Variants in ZNF106 observed in about 807,000 individuals in gnomAD.
The protein encoded by ZNF106 is SH3-domain binding protein 3.
Under a neutral mutation model 195.1 loss-of-function variants are expected in ZNF106, and 67 were observed. The ratio of observed to expected loss-of-function variants is 0.34; its 90% CI spans 0.28 to 0.42. The LOEUF is 0.42. Among genes scored for constraint, ZNF106 ranks in the 10% least tolerant of loss-of-function variants. The pLI, the probability that ZNF106 is intolerant of heterozygous loss-of-function variation, is 1.00. For synonymous variants in ZNF106, 784 were observed against 818.6 expected, an observed-to-expected ratio of 0.96 and a Z score of 0.72; for missense variants, 2,118 against 2,304.5, an observed-to-expected ratio of 0.92 and a Z score of 1.66.
chr15:42,434,842 C>T lies in ZNF106; in HGVS notation c.4881+542G>A, dbSNP rs530392936. On this transcript the variant is annotated intron_variant, in intron 14 of 21. Transcript: ENST00000564754. ...AGGCTGGAGTGCAGTGGCACAATCT[C>T]GGCTCACTGCAACCTCCACCTCCTG... 1.5e-3 allele frequency among the ~76,000 whole-genome samples: 227 copies of T among 150,280 alleles called. 2 individuals carry two copies. Among genetic ancestry groups the T allele is most frequent in the Admixed American group, 4.2e-3 (63 of 15,066 alleles).
chr15:42,441,004 T>A (rs1416127142), intron 10 of ZNF106, among the ~76,000 whole-genome samples: 575 of 13,212 alleles, frequency 0.044, 134 homozygotes, highest in African/African-American at 0.25. Flanking sequence ...AAAAAATATA[T>A]ATATATATAT....
chr15:42,459,876 TA>T lies in ZNF106; in HGVS notation c.117-2719del, dbSNP rs143304513. On this transcript the variant is annotated intron_variant, in intron 3 of 21. Transcript: ENST00000564754. The stretch of plus-strand genomic sequence containing the variant: ...CAATACGGTGAAACCCCATCTCTAC[TA>T]AAAAAAAATACAAAAATTAGCCAGG... Among the ~76,000 whole-genome samples the T allele has an allele frequency of 3.6e-4, 54 of 148,768 alleles. 1 individual carries two copies. The highest frequency in any genetic ancestry group is 3.2e-3 in the Admixed American group (48 of 14,874).
At chr15:42,457,639 G>A (rs1595477666) in intron 3 of ZNF106, 2 of 676,438 alleles carry the variant, frequency 3.0e-6, no homozygotes, top group Non-Finnish European at 3.7e-6. Flanking sequence ...ATCCCAAGTC[G>A]GTAACTAAAT....
chr15:42,459,863 A>AC (rs1217573039), intron 3 of ZNF106, among the ~76,000 whole-genome samples: 1 of 151,438 alleles, frequency 6.6e-6, no homozygotes, highest in Non-Finnish European at 1.5e-5. Context: ...ATACGGTGAA[A>AC]CCCCATCTCT....
chr15:42,458,730 A>C (rs1221058718), intron 3 of ZNF106, among the ~76,000 whole-genome samples: 2 of 151,698 alleles, frequency 1.3e-5, no homozygotes, highest in South Asian at 2.1e-4. Context: ...GAAAAAAAAA[A>C]ACAACACCTT....
chr15:42,447,997 A>C (rs1413149607), intron 6 of ZNF106, 75 bp downstream of exon 6: 1 of 1,478,954 alleles, frequency 6.8e-7, no homozygotes, highest in African/African-American at 1.4e-5. Flanking sequence ...CAAGAAAAAC[A>C]GTTGAACCTT....
chr15:42,420,497 C>T (rs1324777449), intron 20 of ZNF106, among the ~76,000 whole-genome samples: 2 of 151,812 alleles, frequency 1.3e-5, no homozygotes, highest in Non-Finnish European at 2.9e-5. Context: ...AGCGTAAAGT[C>T]GAATTTTAAA....
intron 15 of ZNF106, chr15:42,427,592 A>T (rs778233172): frequency 1.4e-4 from 21 of 155,012 alleles, no homozygotes; most frequent in South Asian, 3.9e-4. Flanking sequence ...CATTTTTTTT[A>T]AAATATGTAA....
At chr15:42,475,026 T>C (rs907954510) in intron 1 of ZNF106, among the ~76,000 whole-genome samples, 31 of 152,336 alleles carry the variant, frequency 2.0e-4, no homozygotes, top group African/African-American at 7.5e-4. Flanking sequence ...GTTTAATCTG[T>C]AACTCCTAGA....
intron 2 of ZNF106, among the ~76,000 whole-genome samples, chr15:42,469,460 C>G (rs2056613606): frequency 1.3e-5 from 2 of 152,006 alleles, no homozygotes; most frequent in Non-Finnish European, 2.9e-5. Flanking sequence ...CTAATCTTGT[C>G]CTAAATTTAC....
intron 1 of ZNF106, among the ~76,000 whole-genome samples, chr15:42,476,648 T>C (rs1255141702): frequency 6.6e-6 from 1 of 150,664 alleles, no homozygotes; most frequent in Admixed American, 6.6e-5. Flanking sequence ...CCATTTTGTA[T>C]ATATATATAT....
chr15:42,415,337 G>T lies in ZNF106; in HGVS notation c.*1967C>A, dbSNP rs1272443292. The T allele has an allele frequency of 7.1e-6, 3 of 423,372 alleles. No individual in the cohort carries two copies. The highest frequency in any genetic ancestry group is 1.4e-5 in the Non-Finnish European group (3 of 211,818). 26.2% of individuals were successfully genotyped at this position (423,372 alleles called of 1,614,324 possible). On this transcript the variant is annotated 3_prime_UTR_variant, in exon 22 of 22. Coordinates refer to ENST00000564754, the MANE Select transcript of ZNF106 (RefSeq NM_001366845.3). ...GGGTTTCACTATGTTGGCCAGGCTG[G>T]TCTCAAATGCCTGACCTTGAGTGAT...
At chr15:42,471,239 C>G (rs2056660892) in intron 2 of ZNF106, among the ~76,000 whole-genome samples, 1 of 152,194 alleles carries the variant, frequency 6.6e-6, no homozygotes. Flanking sequence ...AAGTTTACCA[C>G]TTCCACTCAC....
intron 2 of ZNF106, among the ~76,000 whole-genome samples, chr15:42,468,588 C>A (rs1008301602): frequency 1.3e-5 from 2 of 150,308 alleles, no homozygotes; most frequent in African/African-American, 4.9e-5. Flanking sequence ...ACTAAAAGTA[C>A]AAAAATTAGC....
intron 18 of ZNF106, 112 bp downstream of exon 18, chr15:42,422,389 A>G: frequency 2.2e-6 from 3 of 1,371,946 alleles, no homozygotes. Flanking sequence ...AATGCTTGTG[A>G]AAATACAGAT....
At chr15:42,438,520 T>A in intron 12 of ZNF106, 92 bp downstream of exon 12, 1 of 1,144,386 alleles carries the variant, frequency 8.7e-7, no homozygotes, top group Non-Finnish European at 1.3e-6. Context: ...TCCTATTCTA[T>A]AAATATATTT....
chr15:42,448,825 C>T, intron 5 of ZNF106, 120 bp from the exon 6 acceptor site: 1 of 984,950 alleles, frequency 1.0e-6, no homozygotes, highest in South Asian at 1.7e-5. Context: ...GTGGCTCTTG[C>T]CTTCAAGGGG....
intron 15 of ZNF106, 23 bp downstream of exon 15, chr15:42,427,995 C>G (rs771960081): frequency 1.3e-6 from 2 of 1,591,890 alleles, no homozygotes; most frequent in African/African-American, 1.3e-5. Context: ...GGGAAGTAAG[C>G]CTTTTCTCCT....
At chr15:42,432,061 G>C (rs1437710941) in intron 14 of ZNF106, among the ~76,000 whole-genome samples, 1 of 152,136 alleles carries the variant, frequency 6.6e-6, no homozygotes, top group Non-Finnish European at 1.5e-5. Context: ...GTATTTTAGA[G>C]CTCTGTTATT....
Sources: allele counts gnomAD v4.1 joint callset (sites outside exome capture counted in the v4.1 genomes callset), GRCh38; gene constraint gnomAD v4.1.1; transcripts MANE v1.5; gene names NCBI Gene and HGNC (gene_info 2026-07-23, HGNC 2026-07-21).